DYRK1A: variants seen among roughly 807,000 people sequenced by gnomAD.
DYRK1A encodes the protein dual specificity tyrosine-phosphorylation-regulated kinase 1A.
Under a neutral mutation model 79.7 loss-of-function variants are expected in DYRK1A, and 9 were observed. That is an observed-to-expected ratio of 0.11 (90% CI 0.07 to 0.20). DYRK1A has a LOEUF of 0.20. Ranked by LOEUF, DYRK1A falls within the 10% of genes least tolerant of loss-of-function variation. The pLI is 1.00. For synonymous variants in DYRK1A, 349 were observed against 329.7 expected, an observed-to-expected ratio of 1.06 and a Z score of -0.63; for missense variants, 622 against 956.0, an observed-to-expected ratio of 0.65 and a Z score of 4.61.
At chr21:37,370,239 A>G (rs927324719) in intron 1 of DYRK1A, among the ~76,000 whole-genome samples, 1 of 152,186 alleles carries the variant, frequency 6.6e-6, no homozygotes, top group Non-Finnish European at 1.5e-5. Flanking sequence ...TTTGTTTTGT[A>G]ACTACACGAA....
intron 9 of DYRK1A, among the ~76,000 whole-genome samples, chr21:37,497,057 T>C (rs957194058): frequency 2.6e-5 from 4 of 152,202 alleles, no homozygotes; most frequent in Non-Finnish European, 5.9e-5. Flanking sequence ...CACACACATG[T>C]ACATACAGAA....
In DYRK1A at chr21:37,420,329, C is replaced by A; in HGVS notation, c.-46C>A. 2 of 1,601,980 alleles carry A rather than the reference C, an allele frequency of 1.2e-6. No homozygotes were observed. On this transcript the variant is annotated 5_prime_UTR_variant, in exon 2 of 12. Coordinates refer to ENST00000647188, the MANE Select transcript of DYRK1A (RefSeq NM_001347721.2). ...TAGTTTTGCCGCTGGACTCTTCCCT[C>A]CCTTCCCCCACCCCATCAGGATGAT...
chr21:37,500,013 G>A (rs1056853445), intron 9 of DYRK1A, among the ~76,000 whole-genome samples: 1 of 152,200 alleles, frequency 6.6e-6, no homozygotes, highest in Non-Finnish European at 1.5e-5. Flanking sequence ...TGGAGCTTGA[G>A]TATGTGTGGA....
rs560018795 is a variant in DYRK1A, at chr21:37,508,475, CG to C, written c.1644+2256del. The stretch of plus-strand genomic sequence containing the variant: ...CTAATTTTTGTATTTGTAGTAGAGA[CG>C]GGGTTTTGCCACGTTGGCCAGGCTG... On this transcript the variant is annotated intron_variant, in intron 11 of 11. Coordinates refer to ENST00000647188, the MANE Select transcript of DYRK1A (RefSeq NM_001347721.2). Among the ~76,000 whole-genome samples, 4 of 152,216 alleles carry C rather than the reference CG, an allele frequency of 2.6e-5. No homozygotes were observed. In the South Asian group the frequency reaches 6.2e-4, roughly 24 times the overall value.
intron 1 of DYRK1A, among the ~76,000 whole-genome samples, chr21:37,389,841 C>G (rs904193028): frequency 6.6e-6 from 1 of 151,884 alleles, no homozygotes; most frequent in African/African-American, 2.4e-5. Flanking sequence ...GCAGGCAGAA[C>G]TGTGGAAGAA....
intron 7 of DYRK1A, among the ~76,000 whole-genome samples, chr21:37,491,038 T>C (rs910763714): frequency 2.0e-5 from 3 of 152,170 alleles, no homozygotes; most frequent in Non-Finnish European, 4.4e-5. Flanking sequence ...GCATTAGTCA[T>C]GGTATAAGTA....
At chr21:37,413,254 T>A (rs1166905145) in intron 1 of DYRK1A, among the ~76,000 whole-genome samples, 4 of 152,180 alleles carry the variant, frequency 2.6e-5, no homozygotes, top group African/African-American at 9.7e-5. Context: ...TTTCTGGGCC[T>A]TGTTATTTTT....
At chr21:37,475,892 C>T (rs1309458223) in intron 3 of DYRK1A, among the ~76,000 whole-genome samples, 1 of 152,014 alleles carries the variant, frequency 6.6e-6, no homozygotes, top group Non-Finnish European at 1.5e-5. Flanking sequence ...TTTGAAATAC[C>T]AGTGGAATTG....
chr21:37,424,068 C>G (rs984953511), intron 2 of DYRK1A, among the ~76,000 whole-genome samples: 1 of 151,846 alleles, frequency 6.6e-6, no homozygotes, highest in Non-Finnish European at 1.5e-5. Context: ...TTTTAAAATC[C>G]CATCATATGT....
At chr21:37,430,355 A>C in intron 2 of DYRK1A, 1 of 985,102 alleles carries the variant, frequency 1.0e-6, no homozygotes, top group Non-Finnish European at 1.2e-6. Context: ...ATACTGTGTC[A>C]CTGAGGTCGT....
chr21:37,369,012 A>G (rs900100557), intron 1 of DYRK1A, among the ~76,000 whole-genome samples: 18 of 152,186 alleles, frequency 1.2e-4, no homozygotes, highest in Non-Finnish European at 1.5e-4. Context: ...AATGAAAGGA[A>G]TTAAAGATAT....
At chr21:37,413,885 T>A (rs2050287563) in intron 1 of DYRK1A, among the ~76,000 whole-genome samples, 1 of 152,172 alleles carries the variant, frequency 6.6e-6, no homozygotes, top group Non-Finnish European at 1.5e-5. Flanking sequence ...CACTTTGCTC[T>A]TAGTTCCTGT....
chr21:37,410,266 G>C (rs1294146720), intron 1 of DYRK1A, among the ~76,000 whole-genome samples: 1 of 152,164 alleles, frequency 6.6e-6, no homozygotes, highest in Non-Finnish European at 1.5e-5. Flanking sequence ...ATAAGTCTTT[G>C]TGCATATGAA....
intron 1 of DYRK1A, among the ~76,000 whole-genome samples, chr21:37,402,909 A>G (rs2050079064): frequency 6.6e-6 from 1 of 151,958 alleles, no homozygotes; most frequent in Non-Finnish European, 1.5e-5. Flanking sequence ...ATTTACAGGT[A>G]TGCACCACTA....
At chr21:37,402,910 T>C (rs982113824) in intron 1 of DYRK1A, among the ~76,000 whole-genome samples, 1 of 151,990 alleles carries the variant, frequency 6.6e-6, no homozygotes, top group African/African-American at 2.4e-5. Flanking sequence ...TTTACAGGTA[T>C]GCACCACTAT....
At chr21:37,423,975 T>G (rs2050547592) in intron 2 of DYRK1A, among the ~76,000 whole-genome samples, 1 of 152,164 alleles carries the variant, frequency 6.6e-6, no homozygotes, top group Non-Finnish European at 1.5e-5. Flanking sequence ...AGGACAAAAT[T>G]TTCATATTTC....
At chr21:37,366,000 C>G (rs778218433), upstream of DYRK1A, 2 of 152,242 alleles carry the variant, frequency 1.3e-5, no homozygotes, top group Non-Finnish European at 2.9e-5. Flanking sequence ...CCGGGCCCGG[C>G]GCAGCGTCCG....
At chr21:37,403,647 AAATATATATAT>A (rs1164130446) in intron 1 of DYRK1A, among the ~76,000 whole-genome samples, 2 of 103,912 alleles carry the variant, frequency 1.9e-5, no homozygotes, top group Non-Finnish European at 3.8e-5. Flanking sequence ...AAAAAAAAAA[AAATATATATAT>A]ATATATGTGT....
rs1208718189 is a variant in DYRK1A at position 37,430,081 on chromosome 21, C to T, written c.10+9697C>T. Among the ~76,000 whole-genome samples the T allele has an allele frequency of 2.0e-5, 3 of 151,966 alleles. No homozygotes were observed. In the East Asian group the frequency reaches 5.8e-4, roughly 29 times the overall value. On this transcript the variant is annotated intron_variant, in intron 2 of 11. Coordinates refer to ENST00000647188, the MANE Select transcript of DYRK1A (RefSeq NM_001347721.2). ...AAAATTTTATAAAACTAACTTAAAC[C>T]TCATTCTTGGCCATCAGTTTTAGAC...
Sources: gnomAD v4.1 joint callset for allele counts (sites outside exome capture counted in the v4.1 genomes callset) on GRCh38, gnomAD v4.1.1 for gene constraint, MANE v1.5 for transcripts, NCBI Gene and HGNC (gene_info 2026-07-23, HGNC 2026-07-21) for gene names.